CACNA2D3: variants seen among roughly 807,000 people sequenced by gnomAD.
CACNA2D3 encodes calcium voltage-gated channel auxiliary subunit alpha2delta 3.
A neutral mutation model predicts 160.6 loss-of-function variants in CACNA2D3; 60 were observed. The ratio of observed to expected loss-of-function variants is 0.37; its 90% CI spans 0.30 to 0.46. CACNA2D3 has a LOEUF of 0.46. Ranked by LOEUF, CACNA2D3 falls within the 20% of genes least tolerant of loss-of-function variation. The pLI, the probability that CACNA2D3 is intolerant of heterozygous loss-of-function variation, is 1.00. For missense variants in CACNA2D3, 1,205 were observed against 1,365.0 expected (o/e 0.88, Z 1.85); for synonymous variants, 558 against 492.9 (o/e 1.13, Z -1.75).
At chr3:54,213,176 G>A (rs1212768606) in intron 2 of CACNA2D3, among the ~76,000 whole-genome samples, 1 of 152,092 alleles carries the variant, frequency 6.6e-6, no homozygotes, top group Non-Finnish European at 1.5e-5. Context: ...CACTGAAACT[G>A]GGTCAAATTT....
chr3:54,715,386 C>T (rs978951668), intron 11 of CACNA2D3, among the ~76,000 whole-genome samples: 1 of 152,162 alleles, frequency 6.6e-6, no homozygotes, highest in Admixed American at 6.5e-5. Flanking sequence ...AAGAACCTCC[C>T]ATGTTCAGCT....
At chr3:54,315,331 G>A (rs57724087) in intron 2 of CACNA2D3, among the ~76,000 whole-genome samples, 4,635 of 152,256 alleles carry the variant, frequency 0.03, 259 homozygotes, top group African/African-American at 0.11. Flanking sequence ...ATCAACTCTC[G>A]TGACTTCACA....
chr3:54,375,985 C>T (rs1341608408), intron 3 of CACNA2D3, among the ~76,000 whole-genome samples: 1 of 152,172 alleles, frequency 6.6e-6, no homozygotes, highest in Non-Finnish European at 1.5e-5. Context: ...GTCTCTCTGC[C>T]TCAGTCTCTG....
chr3:54,773,407 C>T (rs542142042), intron 13 of CACNA2D3, among the ~76,000 whole-genome samples: 15 of 152,112 alleles, frequency 9.9e-5, no homozygotes, highest in Admixed American at 3.9e-4. Flanking sequence ...AAGAGACACA[C>T]GTAAAGAGAA....
chr3:54,250,302 C>T (rs888212873), intron 2 of CACNA2D3, among the ~76,000 whole-genome samples: 2 of 152,116 alleles, frequency 1.3e-5, no homozygotes, highest in Middle Eastern at 3.4e-3. Flanking sequence ...GTGTTTTCAC[C>T]ACAAAAAAGT....
chr3:54,388,746 G>T (rs2106666557), intron 4 of CACNA2D3, among the ~76,000 whole-genome samples: 2 of 152,328 alleles, frequency 1.3e-5, no homozygotes, highest in South Asian at 4.1e-4. Context: ...GATTGTCAGA[G>T]AATTTGGACT....
intron 13 of CACNA2D3, among the ~76,000 whole-genome samples, chr3:54,789,284 C>T (rs1386327628): frequency 1.3e-5 from 2 of 152,094 alleles, no homozygotes; most frequent in African/African-American, 2.4e-5. Flanking sequence ...TTTAAAAAAA[C>T]TGTGTCCTTT....
chr3:54,171,389 C>T (rs528374890), intron 2 of CACNA2D3, among the ~76,000 whole-genome samples: 6 of 151,842 alleles, frequency 4.0e-5, no homozygotes, highest in Admixed American at 1.3e-4. Context: ...GGCAGTGGCA[C>T]GATTCACTCT....
chr3:54,687,103 A>ATTTTTCTTTTTC (rs1295361854), intron 11 of CACNA2D3, among the ~76,000 whole-genome samples: 1,081 of 99,552 alleles, frequency 0.011, 17 homozygotes, highest in Middle Eastern at 0.019. Context: ...TTCAAATCGG[A>ATTTTTCTTTTTC]TTTTTCTTTT....
intron 3 of CACNA2D3, among the ~76,000 whole-genome samples, chr3:54,381,048 G>A (rs1264866525): frequency 6.6e-6 from 1 of 152,054 alleles, no homozygotes; most frequent in Non-Finnish European, 1.5e-5. Flanking sequence ...CAGAAAAAAA[G>A]GCAATAAAAA....
chr3:54,811,653 A>G (rs1703321808), intron 13 of CACNA2D3, among the ~76,000 whole-genome samples: 1 of 151,636 alleles, frequency 6.6e-6, no homozygotes. Context: ...ACACTCCACC[A>G]TGCCCAGCTA....
intron 13 of CACNA2D3, among the ~76,000 whole-genome samples, chr3:54,770,118 C>T (rs1034017902): frequency 5.9e-5 from 9 of 152,282 alleles, no homozygotes; most frequent in Admixed American, 2.0e-4. Flanking sequence ...CAGCTGTTAA[C>T]CCGAGATAAC....
intron 3 of CACNA2D3, among the ~76,000 whole-genome samples, chr3:54,334,349 G>A (rs931488284): frequency 1.1e-4 from 16 of 152,164 alleles, no homozygotes; most frequent in African/African-American, 3.4e-4. Context: ...GCCTCTCAAA[G>A]TGCTGGGATT....
chr3:54,842,231 C>T (rs2106766784), intron 16 of CACNA2D3, among the ~76,000 whole-genome samples: 1 of 152,272 alleles, frequency 6.6e-6, no homozygotes, highest in Non-Finnish European at 1.5e-5. Flanking sequence ...TCTCAGAATG[C>T]TTTCCTGGGG....
chr3:54,401,839 C>T (rs897132907), intron 4 of CACNA2D3, among the ~76,000 whole-genome samples: 2 of 152,050 alleles, frequency 1.3e-5, no homozygotes, highest in South Asian at 4.1e-4. Context: ...AAGGTCAAGT[C>T]CAGAATACTT....
chr3:54,294,964 T>C (rs933467710), intron 2 of CACNA2D3, among the ~76,000 whole-genome samples: 2 of 150,706 alleles, frequency 1.3e-5, no homozygotes, highest in Non-Finnish European at 2.9e-5. Context: ...TGCTTCCACT[T>C]TTTTTTTTCA....
chr3:54,807,874 C>T (rs1158183749), intron 13 of CACNA2D3, among the ~76,000 whole-genome samples: 137 of 149,294 alleles, frequency 9.2e-4, no homozygotes, highest in African/African-American at 2.6e-3. Flanking sequence ...ACTATGCAGC[C>T]ATAAAAAATG....
intron 35 of CACNA2D3, among the ~76,000 whole-genome samples, chr3:55,031,536 A>G (rs1029827624): frequency 6.6e-6 from 1 of 152,214 alleles, no homozygotes; most frequent in African/African-American, 2.4e-5. Flanking sequence ...GTATACTCAA[A>G]AAGAAAATTC....
intron 4 of CACNA2D3, among the ~76,000 whole-genome samples, chr3:54,470,163 G>C (rs1424175782): frequency 6.6e-6 from 1 of 152,212 alleles, no homozygotes; most frequent in African/African-American, 2.4e-5. Flanking sequence ...AGGAAAAAAT[G>C]TTAAGGGCAG....
Sources: allele counts gnomAD v4.1 joint callset (sites outside exome capture counted in the v4.1 genomes callset), GRCh38; gene constraint gnomAD v4.1.1; transcripts MANE v1.5; gene names NCBI Gene and HGNC (gene_info 2026-07-23, HGNC 2026-07-21).